The following MYO15B variants were observed in gnomAD, a reference collection of about 807,000 sequenced individuals.
MYO15B encodes myosin XVB, also known as myosin XVB pseudogene.
MYO15B carries 207 observed loss-of-function variants against 119.3 expected under a neutral mutation model. That is an observed-to-expected ratio of 1.73 (90% confidence interval 1.55 to 1.95). The LOEUF (loss-of-function observed/expected upper bound fraction) is 1.95. Among genes scored for constraint, MYO15B ranks in the 30% most tolerant of loss-of-function variants. The pLI is 0.00. For missense variants in MYO15B, 2,264 were observed against 1,203.1 expected, an observed-to-expected ratio of 1.88 and a Z score of -13.04; for synonymous variants, 966 against 498.9, an observed-to-expected ratio of 1.94 and a Z score of -12.48.
chr17:75,619,588 A>G (rs1456252566), intron 45 of MYO15B, 93 bp from the exon 46 acceptor site: 6 of 687,452 alleles, frequency 8.7e-6, no homozygotes, highest in Non-Finnish European at 1.6e-5. Context: ...CAGGGGAAGG[A>G]CAAAGCCCAG....
chr17:75,610,298 A>G (rs1454496597), intron 22 of MYO15B, 39 bp downstream of exon 22: 6 of 660,038 alleles, frequency 9.1e-6, no homozygotes, highest in Non-Finnish European at 1.1e-5. Context: ...GGTAGAAGCC[A>G]GGCTGCCTGA....
At chr17:75,592,205 C>T (rs1450426694) in intron 6 of MYO15B, 33 bp from the exon 7 acceptor site, 15 of 702,214 alleles carry the variant, frequency 2.1e-5, no homozygotes, top group African/African-American at 3.5e-5. Context: ...GTTCTGCATC[C>T]TGGGCACTCA....
chr17:75,610,400 A>C (rs1598836362), intron 22 of MYO15B, 141 bp downstream of exon 22: 4 of 535,934 alleles, frequency 7.5e-6, no homozygotes, highest in East Asian at 3.0e-5. Context: ...CCTTGAACTC[A>C]TCCCTTTTCC....
chr17:75,621,286 G>T, intron 50 of MYO15B, 59 bp from the exon 51 acceptor site: 1 of 669,072 alleles, frequency 1.5e-6, no homozygotes, highest in South Asian at 1.6e-5. Flanking sequence ...CTGCCTGGCT[G>T]GCTGGGATGA....
chr17:75,626,790 T>C (rs564558139), exon 64 of MYO15B: 4 of 509,356 alleles, frequency 7.9e-6, no homozygotes, highest in Non-Finnish European at 1.4e-5. Flanking sequence ...GGCCCCACAT[T>C]AGCACAAGCC....
chr17:75,617,335 G>T, intron 41 of MYO15B, 31 bp downstream of exon 41: 1 of 601,526 alleles, frequency 1.7e-6, no homozygotes, highest in South Asian at 1.9e-5. Flanking sequence ...TGCGCCGTGG[G>T]CTTCACTGGG....
intron 57 of MYO15B, 35 bp from the exon 58 acceptor site, chr17:75,624,508 C>A: frequency 1.4e-6 from 1 of 703,066 alleles, no homozygotes; most frequent in Non-Finnish European, 2.6e-6. Context: ...CCCCCAGCCT[C>A]CCTCCCCCTC....
At chr17:75,624,605 G>T in exon 58 of MYO15B, 1 of 702,994 alleles carries the variant, frequency 1.4e-6, no homozygotes, top group Non-Finnish European at 2.6e-6. Flanking sequence ...CTCAGGAAGT[G>T]CAGGAATTCG....
rs1318127453 is a variant in MYO15B, at chr17:75,624,065, G to A, written c.8272+1G>A. On this transcript the variant is annotated splice_donor_variant, in intron 55 of 63. Transcript: ENST00000645453. LOFTEE classifies it high-confidence loss of function. The stretch of plus-strand genomic sequence containing the variant: ...CTGCAGGATTCAGGCCCCAGCCAAG[G>A]TGCCCGTGGGAAGGGGAGATGGAGG... 1.4e-6 allele frequency: 1 copy of A among 703,096 alleles called. No individual in the cohort carries two copies. Among genetic ancestry groups the A allele is most frequent in the Admixed American group, 2.0e-5 (1 of 50,016 alleles). 43.6% of individuals were successfully genotyped at this position (703,096 alleles called of 1,614,324 possible).
chr17:75,603,316 G>A lies in MYO15B; in HGVS notation c.4016+4G>A. On this transcript the variant is annotated splice_donor_region_variant and intron_variant, in intron 19 of 63. Transcript: ENST00000645453. ...CCTTTGAGGCCTTCCTGGCCAGGTG[G>A]GGCCCAGCACCTCGGGGCAGGACTG... 1 of 702,980 alleles carries A rather than the reference G, an allele frequency of 1.4e-6. No individual in the cohort carries two copies. The highest frequency in any genetic ancestry group is 2.6e-6 in the Non-Finnish European group (1 of 384,992). The allele number at this position is 702,980 out of a possible 1,614,324, so 43.5% of individuals were successfully genotyped here.
At chr17:75,613,718 G>A (rs757482604) in exon 29 of MYO15B, 6 of 702,260 alleles carry the variant, frequency 8.5e-6, no homozygotes, top group African/African-American at 3.5e-5. Context: ...AGTGCTACTC[G>A]GCCGAGGTGG....
exon 1 of MYO15B, chr17:75,588,697 C>T (rs945161550): frequency 5.0e-6 from 2 of 399,452 alleles, no homozygotes; most frequent in Admixed American, 4.4e-5. Context: ...CAGCGACTGG[C>T]CCCACGCAGA....
In MYO15B at chr17:75,624,133, G is replaced by GA. The variant is rs1215165435; in HGVS notation, c.8273-41dup. The GA allele has an allele frequency of 8.5e-6, 6 of 702,742 alleles. No homozygotes were observed. The Admixed American group carries it at 1.0e-4, about 12-fold the overall frequency. The allele number at this position is 702,742 out of a possible 1,614,324, so 43.5% of individuals were successfully genotyped here. On this transcript the variant is annotated intron_variant, in intron 55 of 63. Coordinates refer to ENST00000645453, the Ensembl canonical transcript of MYO15B. ...GGACTGGGAACTTGGTGGGCTTGGG[G>GA]AGACATGGCCATCTCATAACCCCAG...
intron 55 of MYO15B, 23 bp from the exon 56 acceptor site, chr17:75,624,152 A>G: frequency 1.4e-6 from 1 of 702,736 alleles, no homozygotes; most frequent in Non-Finnish European, 2.6e-6. Context: ...CCATCTCATA[A>G]CCCCAGGCTG....
At chr17:75,600,028 T>C (rs1249589704) in intron 14 of MYO15B, among the ~76,000 whole-genome samples, 2 of 150,330 alleles carry the variant, frequency 1.3e-5, no homozygotes, top group African/African-American at 4.9e-5. Context: ...TTTTCTTTTT[T>C]CTTTTTTTTT....
At chr17:75,588,187 C>G in exon 1 of MYO15B, 4 of 398,000 alleles carry the variant, frequency 1.0e-5, no homozygotes, top group Non-Finnish European at 1.8e-5. Flanking sequence ...CGACCGCGGG[C>G]AGGCGGACAG....
rs576224612 is a variant in MYO15B at position 75,625,304 on chromosome 17, T to C, written c.8804+66T>C. ...TCTAAGGTCAAGGCCATTTGACTGG[T>C]ACCCTTCCTGGCCCTAAATGGACTG... is the stretch of plus-strand genomic sequence containing the variant. On this transcript the variant is annotated intron_variant, in intron 60 of 63. Transcript: ENST00000645453. The C allele has an allele frequency of 6.3e-5, 41 of 652,428 alleles. No homozygotes were observed. The East Asian group carries it at 1.0e-3, about 16-fold the overall frequency. The allele number at this position is 652,428 out of a possible 1,614,324, so 40.4% of individuals were successfully genotyped here.
At chr17:75,617,578 T>A (rs879528399) in intron 41 of MYO15B, 164,085 of 569,294 alleles carry the variant, frequency 0.29, 25,036 homozygotes, top group Middle Eastern at 0.34. Flanking sequence ...AGGAAGTTAG[T>A]GGCCCTGGCT....
At chr17:75,617,189 G>A in exon 41 of MYO15B, 1 of 694,346 alleles carries the variant, frequency 1.4e-6, no homozygotes, top group Non-Finnish European at 2.6e-6. Flanking sequence ...AAAAGCAGGG[G>A]CCCCTTCTGG....
Sources: allele counts gnomAD v4.1 joint callset (sites outside exome capture counted in the v4.1 genomes callset), GRCh38; gene constraint gnomAD v4.1.1; transcripts MANE v1.5; gene names NCBI Gene and HGNC (gene_info 2026-07-23, HGNC 2026-07-21).